The following PARVA variants were observed in gnomAD, a reference collection of about 807,000 sequenced individuals.
The protein encoded by PARVA is parvin alpha.
In PARVA, 25 loss-of-function variants were observed where a neutral mutation model predicts 52.6. The observed-to-expected ratio is 0.48, with a 90% CI of 0.35 to 0.66. The LOEUF (loss-of-function observed/expected upper bound fraction) is 0.66. Ranked by LOEUF, PARVA falls within the 30% of genes least tolerant of loss-of-function variation. PARVA has a pLI of 0.01. For missense variants in PARVA, 373 were observed against 450.9 expected, an observed-to-expected ratio of 0.83 and a Z score of 1.56; for synonymous variants, 185 against 179.1, an observed-to-expected ratio of 1.03 and a Z score of -0.26.
chr11:12,405,385 A>G (rs758934413), intron 1 of PARVA, among the ~76,000 whole-genome samples: 9 of 152,186 alleles, frequency 5.9e-5, no homozygotes, highest in Non-Finnish European at 1.2e-4. Flanking sequence ...CGTATAGGAA[A>G]AAGTTTAGAA....
Position 12,478,013 on chromosome 11 carries a change from T to C in PARVA, c.400+64T>C, listed in dbSNP as rs773505028. 4.6e-6 allele frequency: 4 copies of C among 872,744 alleles called. No individual in the cohort carries two copies. In the African/African-American group the frequency reaches 6.6e-5, roughly 14 times the overall value. The allele number at this position is 872,744 out of a possible 1,614,324, so 54.1% of individuals were successfully genotyped here. A position where few individuals can be genotyped will look rare whatever the true frequency, so the allele number is the denominator to read the frequency against. On this transcript the variant is annotated intron_variant, in intron 4 of 12. Transcript: ENST00000334956. ...TGCAGGTGGTTGGATCACCTACTTG[T>C]AGCTAGAAGGAGTTATTCTCAGTTT...
At chr11:12,492,186 T>C (rs1434971152) in intron 4 of PARVA, among the ~76,000 whole-genome samples, 1 of 152,242 alleles carries the variant, frequency 6.6e-6, no homozygotes, top group African/African-American at 2.4e-5. Flanking sequence ...CTTGTCTTTA[T>C]GCGTCAGAAC....
rs1247427628 is a variant in PARVA at position 12,533,023 on chromosome 11, G to A, written c.*5098G>A. Among the ~76,000 whole-genome samples, 1 of 152,196 alleles carries A rather than the reference G, an allele frequency of 6.6e-6. No homozygotes were observed. Among genetic ancestry groups the A allele is most frequent in the Non-Finnish European group, 1.5e-5 (1 of 68,024 alleles). On this transcript the variant is annotated 3_prime_UTR_variant, in exon 13 of 13. Transcript: ENST00000334956. ...CCATGGTCCTGGCTGGGGAGCGGAG[G>A]AGACCAGGAGAGGAGATCAGACCTC...
chr11:12,429,249 T>C (rs772882882), intron 1 of PARVA, among the ~76,000 whole-genome samples: 1 of 152,154 alleles, frequency 6.6e-6, no homozygotes, highest in Non-Finnish European at 1.5e-5. Flanking sequence ...CCTGGGATTA[T>C]AGGCATGAGC....
chr11:12,473,992 A>C lies in PARVA; in HGVS notation c.297+9A>C, dbSNP rs773927475. The stretch of plus-strand genomic sequence containing the variant: ...TTCAAGAACTGATGAAGGTAAGAAG[A>C]AATCAGGAGCGGCTTCAGGTGCCTC... On this transcript the variant is annotated intron_variant, in intron 3 of 12. Coordinates refer to ENST00000334956, the MANE Select transcript of PARVA (RefSeq NM_018222.5). 11 of 1,566,208 alleles carry C rather than the reference A, an allele frequency of 7.0e-6. No individual in the cohort carries two copies. In the African/African-American group the frequency reaches 1.1e-4, roughly 15 times the overall value.
chr11:12,424,389 G>C (rs1391476564), intron 1 of PARVA, among the ~76,000 whole-genome samples: 2 of 152,000 alleles, frequency 1.3e-5, no homozygotes, highest in African/African-American at 4.8e-5. Flanking sequence ...TCCAACATGA[G>C]TACTGAGAGG....
chr11:12,465,245 G>A (rs1260335677), intron 1 of PARVA, among the ~76,000 whole-genome samples: 1 of 152,126 alleles, frequency 6.6e-6, no homozygotes, highest in African/African-American at 2.4e-5. Context: ...AAGAGGAAGA[G>A]AGATGTGAGC....
chr11:12,423,445 C>A (rs1304075621), intron 1 of PARVA, among the ~76,000 whole-genome samples: 1 of 151,106 alleles, frequency 6.6e-6, no homozygotes, highest in East Asian at 1.9e-4. Context: ...CCTTCCTTGG[C>A]CTTCCAAAGT....
chr11:12,444,149 G>A (rs1940511108), intron 1 of PARVA, among the ~76,000 whole-genome samples: 1 of 152,152 alleles, frequency 6.6e-6, no homozygotes. Context: ...GGGGCATGTT[G>A]AGGTTGGCCC....
intron 10 of PARVA, among the ~76,000 whole-genome samples, chr11:12,515,997 C>T (rs1295690988): frequency 1.3e-5 from 2 of 152,288 alleles, no homozygotes; most frequent in Non-Finnish European, 1.5e-5. Context: ...CCAACATACC[C>T]GGTTAATTTT....
At chr11:12,466,687 T>G (rs2135028995) in intron 1 of PARVA, among the ~76,000 whole-genome samples, 1 of 152,234 alleles carries the variant, frequency 6.6e-6, no homozygotes, top group South Asian at 2.1e-4. Context: ...TAAAAACTCA[T>G]TATCCAACCG....
chr11:12,389,154 G>C (rs767705712), intron 1 of PARVA, among the ~76,000 whole-genome samples: 3 of 152,184 alleles, frequency 2.0e-5, no homozygotes, highest in Non-Finnish European at 2.9e-5. Flanking sequence ...GGGGTAGGAT[G>C]GGAGGATGAT....
At chr11:12,485,465 G>A (rs1448149573) in intron 4 of PARVA, among the ~76,000 whole-genome samples, 1 of 152,062 alleles carries the variant, frequency 6.6e-6, no homozygotes, top group East Asian at 1.9e-4. Context: ...AAAAAGAAGT[G>A]CTAAGAAAAA....
At chr11:12,399,874 G>C (rs953435302) in intron 1 of PARVA, among the ~76,000 whole-genome samples, 2 of 152,048 alleles carry the variant, frequency 1.3e-5, no homozygotes, top group Admixed American at 6.6e-5. Context: ...GTTATTTGCT[G>C]TCATAAAAAT....
chr11:12,499,355 G>T (rs767298030), intron 5 of PARVA, among the ~76,000 whole-genome samples: 3 of 151,876 alleles, frequency 2.0e-5, no homozygotes, highest in Non-Finnish European at 4.4e-5. Context: ...ACACTGTGGC[G>T]CCTCTCCGCT....
chr11:12,379,730 C>G (rs766580160), intron 1 of PARVA, among the ~76,000 whole-genome samples: 1 of 152,200 alleles, frequency 6.6e-6, no homozygotes, highest in Non-Finnish European at 1.5e-5. Flanking sequence ...GACTTCTATT[C>G]CCTAGATTGA....
chr11:12,476,944 G>C (rs1158485712), intron 3 of PARVA, among the ~76,000 whole-genome samples: 2 of 152,196 alleles, frequency 1.3e-5, no homozygotes, highest in African/African-American at 2.4e-5. Flanking sequence ...TGTCAAAACT[G>C]TAGTGGTTCC....
intron 5 of PARVA, among the ~76,000 whole-genome samples, chr11:12,503,956 A>T (rs925834858): frequency 6.6e-6 from 1 of 152,198 alleles, no homozygotes; most frequent in Non-Finnish European, 1.5e-5. Context: ...CCTTTTACTC[A>T]TGGCAGGAGG....
intron 6 of PARVA, among the ~76,000 whole-genome samples, chr11:12,506,344 T>C (rs1414727274): frequency 6.6e-6 from 1 of 152,216 alleles, no homozygotes; most frequent in Non-Finnish European, 1.5e-5. Flanking sequence ...ATAAATACTT[T>C]TATGTAAATT....
Sources: gnomAD v4.1 joint callset for allele counts (sites outside exome capture counted in the v4.1 genomes callset) on GRCh38, gnomAD v4.1.1 for gene constraint, MANE v1.5 for transcripts, NCBI Gene and HGNC (gene_info 2026-07-23, HGNC 2026-07-21) for gene names.